Variants in GSG1L observed in about 807,000 individuals in gnomAD.
GSG1L encodes GSG1 like, also known as germ cell-specific gene 1-like protein.
GSG1L carries 24 observed loss-of-function variants against 42.1 expected under a neutral mutation model. The ratio of observed to expected loss-of-function variants is 0.57; its 90% CI spans 0.41 to 0.80. GSG1L has a LOEUF of 0.80. GSG1L is among the 30% of genes least tolerant of loss of function. GSG1L has a pLI of 0.00. For missense variants in GSG1L, 445 were observed against 472.2 expected (o/e 0.94, Z 0.53); for synonymous variants, 215 against 203.5 (o/e 1.06, Z -0.48).
chr16:27,856,694 A>G (rs56413228), intron 3 of GSG1L, among the ~76,000 whole-genome samples: 2,537 of 152,286 alleles, frequency 0.017, 69 homozygotes, highest in African/African-American at 0.058. Flanking sequence ...TTTCATTTCC[A>G]GTGGTGATCT....
intron 1 of GSG1L, among the ~76,000 whole-genome samples, chr16:27,964,070 C>T (rs1270503518): frequency 6.6e-6 from 1 of 151,978 alleles, no homozygotes; most frequent in Non-Finnish European, 1.5e-5. Context: ...GAGGGAAATT[C>T]AACATACAGA....
rs2083998211 is a variant in GSG1L, at chr16:27,884,179, G to A, written c.550+307C>T. 6.6e-6 allele frequency among the ~76,000 whole-genome samples: 1 copy of A among 152,140 alleles called. No homozygotes were observed. Among genetic ancestry groups the A allele is most frequent in the South Asian group, 2.1e-4 (1 of 4,826 alleles). ...AGATCCAATCCATCACAGACCATGTGGTACTGATCTCCTGAAGACATCTCA... is the reference window on the plus strand; with the variant it reads ...AGATCCAATCCATCACAGACCATGTAGTACTGATCTCCTGAAGACATCTCA... On this transcript the variant is annotated intron_variant, in intron 3 of 6. Transcript: ENST00000447459. The surrounding 1 kb of genome is among the most constrained non-coding windows in gnomAD (Gnocchi z 4.4).
intron 3 of GSG1L, among the ~76,000 whole-genome samples, chr16:27,862,986 T>C (rs2083672109): frequency 6.6e-6 from 1 of 152,186 alleles, no homozygotes; most frequent in East Asian, 1.9e-4. Flanking sequence ...AATGTATTCA[T>C]TGTATTGCTC....
At chr16:27,997,742 A>G (rs1413517341) in intron 1 of GSG1L, among the ~76,000 whole-genome samples, 1 of 151,708 alleles carries the variant, frequency 6.6e-6, no homozygotes, top group East Asian at 1.9e-4. Context: ...TTTTGGTTAC[A>G]TGGATGAATT....
chr16:28,017,011 G>C (rs982853383), intron 1 of GSG1L, among the ~76,000 whole-genome samples: 3 of 152,250 alleles, frequency 2.0e-5, no homozygotes, highest in Non-Finnish European at 4.4e-5. Flanking sequence ...AACCAAGGGA[G>C]AGAGATTGGA....
In GSG1L at chr16:28,040,355, C is replaced by T. The variant is rs186993324; in HGVS notation, c.349+22721G>A. Among the ~76,000 whole-genome samples the T allele has an allele frequency of 6.6e-6, 1 of 152,316 alleles. No homozygotes were observed. The highest frequency in any genetic ancestry group is 1.5e-5 in the Non-Finnish European group (1 of 68,030). ...CCCCAGAGGCCTCCCTCTTCTCAAT[C>T]ACTCTCCATCCCATCACTTCTCTTT... On this transcript the variant is annotated intron_variant, in intron 1 of 6. Transcript: ENST00000447459. This position sits in a 1 kb window ranked among gnomAD's most constrained non-coding sequence, Gnocchi z 4.1.
chr16:27,911,272 T>TCG (rs1159753450), intron 2 of GSG1L, among the ~76,000 whole-genome samples: 2 of 131,824 alleles, frequency 1.5e-5, no homozygotes, highest in Non-Finnish European at 3.4e-5. Context: ...TCTCGCTCTC[T>TCG]CTCTCTCTCT....
intron 1 of GSG1L, among the ~76,000 whole-genome samples, chr16:27,971,383 T>G (rs2085191820): frequency 6.6e-6 from 1 of 151,610 alleles, no homozygotes; most frequent in Non-Finnish European, 1.5e-5. Flanking sequence ...AATTTATTCC[T>G]AAGTATTTTA....
chr16:28,051,736 GACA>G (rs901654034), intron 1 of GSG1L, among the ~76,000 whole-genome samples: 2 of 152,208 alleles, frequency 1.3e-5, no homozygotes, highest in African/African-American at 4.8e-5. Flanking sequence ...CTGCAGCATA[GACA>G]ACGAGGAAGA....
At chr16:27,792,941 G>C (rs188733939) in intron 6 of GSG1L, among the ~76,000 whole-genome samples, 1 of 152,226 alleles carries the variant, frequency 6.6e-6, no homozygotes, top group Non-Finnish European at 1.5e-5. Context: ...AGAAGTCACA[G>C]CTATGATAGA....
chr16:27,814,063 C>A (rs13329885), intron 5 of GSG1L, among the ~76,000 whole-genome samples: 1,575 of 152,304 alleles, frequency 0.01, 22 homozygotes, highest in African/African-American at 0.035. Context: ...CTACTGCTAT[C>A]TTTAAACTTC....
chr16:27,930,810 A>T (rs551301584), intron 2 of GSG1L, among the ~76,000 whole-genome samples: 1 of 152,248 alleles, frequency 6.6e-6, no homozygotes, highest in Non-Finnish European at 1.5e-5. Flanking sequence ...CTGCAGTCTC[A>T]AACTCCTGGG....
chr16:27,932,654 G>C (rs2084669536), intron 2 of GSG1L, among the ~76,000 whole-genome samples: 1 of 152,048 alleles, frequency 6.6e-6, no homozygotes, highest in South Asian at 2.1e-4. Flanking sequence ...TTCAGCATTG[G>C]GGATTATAGA....
At chr16:28,021,134 T>C (rs1021720374) in intron 1 of GSG1L, among the ~76,000 whole-genome samples, 1 of 151,928 alleles carries the variant, frequency 6.6e-6, no homozygotes, top group Non-Finnish European at 1.5e-5. Flanking sequence ...AGGAAAGAGG[T>C]TTAATCAGTT....
intron 3 of GSG1L, among the ~76,000 whole-genome samples, chr16:27,878,977 G>A (rs2083920128): frequency 6.6e-6 from 1 of 152,156 alleles, no homozygotes; most frequent in Non-Finnish European, 1.5e-5. Context: ...TTTTGCTGGA[G>A]GCAGGCCAGG....
intron 4 of GSG1L, among the ~76,000 whole-genome samples, chr16:27,834,647 G>A (rs2083304497): frequency 1.3e-5 from 2 of 152,084 alleles, no homozygotes; most frequent in South Asian, 4.1e-4. Flanking sequence ...GTAAATTGTG[G>A]CAGTTTGTGC....
chr16:28,059,430 C>T lies in GSG1L; in HGVS notation c.349+3646G>A, dbSNP rs1456731778. 6.6e-6 allele frequency among the ~76,000 whole-genome samples: 1 copy of T among 152,052 alleles called. No homozygotes were observed. The highest frequency in any genetic ancestry group is 2.4e-5 in the African/African-American group (1 of 41,390). ...GGGACTGGTCTCTCTCTTCTCTCTC[C>T]AGTCTCACCTCCCTCCTGCCAGCCT... is the stretch of plus-strand genomic sequence containing the variant. On this transcript the variant is annotated intron_variant, in intron 1 of 6. Transcript: ENST00000447459. The surrounding 1 kb of genome is among the most constrained non-coding windows in gnomAD (Gnocchi z 4.4).
At position 27,954,722 on chromosome 16, in the gene GSG1L, T is replaced by C. The variant is rs546288507; in HGVS notation, c.397+8434A>G. ...AGGCTGGAGTGTGGTGGTACGATCC[T>C]AGCTCACTGCAGCCTTGAACTCCCC... On this transcript the variant is annotated intron_variant, in intron 2 of 6. Coordinates refer to ENST00000447459, the MANE Select transcript of GSG1L (RefSeq NM_001109763.2). Among the ~76,000 whole-genome samples, 27 of 152,328 alleles carry C rather than the reference T, an allele frequency of 1.8e-4. No homozygotes were observed. The East Asian group carries it at 4.4e-3, about 25-fold the overall frequency.
intron 3 of GSG1L, among the ~76,000 whole-genome samples, chr16:27,854,292 AAGG>A (rs1407589261): frequency 8.5e-6 from 1 of 117,626 alleles, no homozygotes; most frequent in African/African-American, 3.3e-5. Context: ...AGGGGGAGAG[AAGG>A]AGGAGGAGGG....
Sources: gnomAD v4.1 joint callset for allele counts (sites outside exome capture counted in the v4.1 genomes callset) on GRCh38, gnomAD v4.1.1 for gene constraint, Gnocchi (gnomAD v3.1) non-coding constraint, MANE v1.5 for transcripts, NCBI Gene and HGNC (gene_info 2026-07-23, HGNC 2026-07-21) for gene names.